PPP1R14C: variants seen among roughly 807,000 people sequenced by gnomAD.
PPP1R14C encodes protein phosphatase 1 regulatory subunit 14C.
In PPP1R14C, 16 loss-of-function variants were observed where a neutral mutation model predicts 20.4. The ratio of observed to expected loss-of-function variants is 0.78; its 90% CI spans 0.53 to 1.19. The LOEUF (loss-of-function observed/expected upper bound fraction) is 1.19, where lower values mean the gene tolerates loss of function less well. Ranked by LOEUF, PPP1R14C falls within the 50% of genes most tolerant of loss-of-function variation. The pLI is 0.00. For missense variants in PPP1R14C, 211 were observed against 220.1 expected (o/e 0.96, Z 0.26); for synonymous variants, 91 against 91.0 (o/e 1.00, Z 0.00).
intron 1 of PPP1R14C, among the ~76,000 whole-genome samples, chr6:150,204,590 C>T (rs185801111): frequency 3.9e-5 from 6 of 152,200 alleles, no homozygotes; most frequent in Admixed American, 2.6e-4. Flanking sequence ...GTTTGCACAA[C>T]GTGCGTGGGC....
At chr6:150,240,906 C>A (rs1017405666) in intron 3 of PPP1R14C, among the ~76,000 whole-genome samples, 8 of 152,232 alleles carry the variant, frequency 5.3e-5, no homozygotes, top group Admixed American at 5.2e-4. Flanking sequence ...AAAACTCTTA[C>A]AATTTCCTGA....
intron 1 of PPP1R14C, among the ~76,000 whole-genome samples, chr6:150,181,183 G>A: frequency 6.6e-6 from 1 of 152,092 alleles, no homozygotes; most frequent in Admixed American, 6.5e-5. Flanking sequence ...GGTGTTCTTG[G>A]TAAGGATTAG....
intron 1 of PPP1R14C, among the ~76,000 whole-genome samples, chr6:150,189,492 C>T (rs1477562475): frequency 6.6e-6 from 1 of 151,380 alleles, no homozygotes; most frequent in Non-Finnish European, 1.5e-5. Context: ...AGTCTAGCCT[C>T]TTGATTGGAT....
At chr6:150,235,088 T>A (rs369121422) in intron 3 of PPP1R14C, among the ~76,000 whole-genome samples, 22 of 152,276 alleles carry the variant, frequency 1.4e-4, no homozygotes, top group African/African-American at 5.3e-4. Flanking sequence ...GAAATGTTTT[T>A]TCTTTGTTGT....
intron 1 of PPP1R14C, among the ~76,000 whole-genome samples, chr6:150,214,076 G>A (rs951494915): frequency 1.3e-5 from 2 of 152,250 alleles, no homozygotes; most frequent in African/African-American, 4.8e-5. Context: ...GAGTGAAGGG[G>A]ACGTTCTTGT....
chr6:150,248,802 G>A lies in PPP1R14C; in HGVS notation c.480G>A (p.Pro160=), dbSNP rs372465064. ...RIRGMRKLSP[P]QKKSV is the part of the protein sequence containing the mutation. ...GAGGCATGAGGAAACTGAGCCCTCC[G>A]CAGAAGAAGAGTGTATGATTCTGGA... Residue 160 remains proline, a synonymous_variant, in exon 4 of 4, where the codon CCG becomes CCA. Transcript: ENST00000361131. 6.3e-5 allele frequency: 101 copies of A among 1,612,046 alleles called. No homozygotes were observed. Among genetic ancestry groups the A allele is most frequent in the African/African-American group, 1.9e-4 (14 of 74,868 alleles).
In PPP1R14C at chr6:150,199,269, C is replaced by T. The variant is rs75911599; in HGVS notation, c.307-15475C>T. On this transcript the variant is annotated intron_variant, in intron 1 of 3. Coordinates refer to ENST00000361131, the MANE Select transcript of PPP1R14C (RefSeq NM_030949.3). ...AAAGAACAGGCTTTCAGCTGAGGCA[C>T]GGCTATCATTCGAATGTGTCCCCTC... Among the ~76,000 whole-genome samples, 502 of 152,222 alleles carry T rather than the reference C, an allele frequency of 3.3e-3. 2 individuals are homozygous for T. The highest frequency in any genetic ancestry group is 0.011 in the African/African-American group (443 of 41,514).
chr6:150,230,563 T>A (rs1360928141), intron 3 of PPP1R14C, among the ~76,000 whole-genome samples: 1 of 152,080 alleles, frequency 6.6e-6, no homozygotes, highest in Non-Finnish European at 1.5e-5. Flanking sequence ...GTTGTTGTTG[T>A]TGTTTGTTTG....
chr6:150,211,879 A>G (rs1323970222), intron 1 of PPP1R14C, among the ~76,000 whole-genome samples: 1 of 152,222 alleles, frequency 6.6e-6, no homozygotes, highest in Non-Finnish European at 1.5e-5. Flanking sequence ...GAGAAGCAGC[A>G]TAGGTTGGTA....
chr6:150,184,927 G>A (rs1777660671), intron 1 of PPP1R14C, among the ~76,000 whole-genome samples: 1 of 152,152 alleles, frequency 6.6e-6, no homozygotes, highest in South Asian at 2.1e-4. Context: ...ATGAAGTTAT[G>A]GCTTTATTCA....
Position 150,143,652 on chromosome 6 carries a change from G to A in PPP1R14C, c.306+154G>A, listed in dbSNP as rs1427524756. ...AGGCGCGGCGCCTTCTCTCCCCCGC[G>A]GTGCCCTCTGGCGTCGGGCTCAGCG... On this transcript the variant is annotated intron_variant, in intron 1 of 3. Coordinates refer to ENST00000361131, the MANE Select transcript of PPP1R14C (RefSeq NM_030949.3). The surrounding 1 kb of genome is among the most constrained non-coding windows in gnomAD (Gnocchi z 5.6). Among the ~76,000 whole-genome samples the A allele has an allele frequency of 6.6e-6, 1 of 152,208 alleles. No homozygotes were observed. The highest frequency in any genetic ancestry group is 2.1e-4 in the South Asian group (1 of 4,836).
intron 1 of PPP1R14C, among the ~76,000 whole-genome samples, chr6:150,194,153 CTG>C (rs200560331): frequency 0.012 from 1,797 of 152,304 alleles, 38 homozygotes; most frequent in African/African-American, 0.042. Context: ...CCATGTGGAA[CTG>C]TGAGTTCATT....
chr6:150,152,098 C>A (rs1031530774), intron 1 of PPP1R14C, among the ~76,000 whole-genome samples: 8 of 134,172 alleles, frequency 6.0e-5, no homozygotes, highest in African/African-American at 1.9e-4. Context: ...CCAGCCTGGG[C>A]GACAGAGCGA....
At chr6:150,199,360 G>C (rs1409804932) in intron 1 of PPP1R14C, among the ~76,000 whole-genome samples, 2 of 152,182 alleles carry the variant, frequency 1.3e-5, no homozygotes, top group African/African-American at 4.8e-5. Context: ...TTTAAGAGGT[G>C]ATTAGGCTCT....
At chr6:150,214,668 A>T in intron 1 of PPP1R14C, 76 bp from the exon 2 acceptor site, 1 of 1,067,904 alleles carries the variant, frequency 9.4e-7, no homozygotes, top group Non-Finnish European at 1.4e-6. Flanking sequence ...TGTTTGTTCA[A>T]CTTAACCTAA....
intron 3 of PPP1R14C, among the ~76,000 whole-genome samples, chr6:150,229,205 G>A (rs934168205): frequency 6.6e-6 from 1 of 152,146 alleles, no homozygotes; most frequent in Non-Finnish European, 1.5e-5. Context: ...GCCCGGAAAT[G>A]GGTTTCTTTT....
intron 1 of PPP1R14C, among the ~76,000 whole-genome samples, chr6:150,197,711 G>A (rs2114893634): frequency 6.6e-6 from 1 of 152,106 alleles, no homozygotes; most frequent in African/African-American, 2.4e-5. Flanking sequence ...CCGGCTTTGT[G>A]TGCCCCTGGC....
At chr6:150,243,130 G>A (rs1315500097) in intron 3 of PPP1R14C, among the ~76,000 whole-genome samples, 1 of 150,764 alleles carries the variant, frequency 6.6e-6, no homozygotes, top group East Asian at 2.0e-4. Flanking sequence ...GGCAATCTCA[G>A]TCAAAACCCC....
At chr6:150,161,664 C>T (rs1262379360) in intron 1 of PPP1R14C, among the ~76,000 whole-genome samples, 3 of 152,182 alleles carry the variant, frequency 2.0e-5, no homozygotes, top group Non-Finnish European at 2.9e-5. Flanking sequence ...AACTCAATCC[C>T]TATGGGAAAC....
Sources: gnomAD v4.1 joint callset for allele counts (sites outside exome capture counted in the v4.1 genomes callset) on GRCh38, gnomAD v4.1.1 for gene constraint, Gnocchi (gnomAD v3.1) non-coding constraint, MANE v1.5 for transcripts, NCBI Gene and HGNC (gene_info 2026-07-23, HGNC 2026-07-21) for gene names.